The following TTC23L variants were observed in gnomAD, a reference collection of about 807,000 sequenced individuals.
The protein encoded by TTC23L is tetratricopeptide repeat protein 23-like.
A neutral mutation model predicts 48.1 loss-of-function variants in TTC23L; 42 were observed. The ratio of observed to expected loss-of-function variants is 0.87; its 90% CI spans 0.68 to 1.13. The LOEUF (loss-of-function observed/expected upper bound fraction) is 1.13. Among genes scored for constraint, TTC23L ranks in the 50% most tolerant of loss-of-function variants. TTC23L has a pLI of 0.00. For missense variants in TTC23L, 391 were observed against 421.0 expected (o/e 0.93, Z 0.62); for synonymous variants, 159 against 157.2 (o/e 1.01, Z -0.09).
chr5:34,894,876 G>A (rs1381158899), intron 9 of TTC23L, among the ~76,000 whole-genome samples: 1 of 143,274 alleles, frequency 7.0e-6, no homozygotes, highest in East Asian at 2.0e-4. Flanking sequence ...GAGATGATGA[G>A]AGTGTTAATG....
At chr5:34,871,297 A>T (rs559680780) in intron 8 of TTC23L, among the ~76,000 whole-genome samples, 23 of 148,988 alleles carry the variant, frequency 1.5e-4, no homozygotes, top group Admixed American at 4.7e-4. Flanking sequence ...ACAAAAATTT[A>T]AAAAAAATCA....
downstream of TTC23L, among the ~76,000 whole-genome samples, chr5:34,902,157 C>T (rs375234703): frequency 6.6e-6 from 1 of 152,116 alleles, no homozygotes; most frequent in East Asian, 1.9e-4. Flanking sequence ...GGCGCGGTGG[C>T]TTAAGCCTGT....
intron 9 of TTC23L, among the ~76,000 whole-genome samples, chr5:34,894,802 A>G (rs988793329): frequency 3.9e-5 from 6 of 152,170 alleles, no homozygotes; most frequent in African/African-American, 1.4e-4. Context: ...GTTGTTATGA[A>G]TAAATAAGTT....
intron 9 of TTC23L, among the ~76,000 whole-genome samples, chr5:34,889,980 A>G (rs187460424): frequency 1.5e-3 from 224 of 152,092 alleles, no homozygotes; most frequent in African/African-American, 5.4e-3. Context: ...CTGGGACTAC[A>G]TGCGTATGCC....
At chr5:34,910,507 A>G in the TTC23L span, among the ~76,000 whole-genome samples, 2 of 151,118 alleles carry the variant, frequency 1.3e-5, no homozygotes, top group African/African-American at 4.9e-5. Context: ...AGCTCACCGC[A>G]ACCTCCACTT....
intron 9 of TTC23L, among the ~76,000 whole-genome samples, chr5:34,885,637 T>C (rs761884824): frequency 1.8e-4 from 27 of 151,986 alleles, no homozygotes; most frequent in Admixed American, 9.8e-4. Flanking sequence ...TAGTCCCAGC[T>C]ACTTTAGAGG....
At chr5:34,879,014 T>C (rs1050976563) in intron 8 of TTC23L, among the ~76,000 whole-genome samples, 2 of 152,120 alleles carry the variant, frequency 1.3e-5, no homozygotes, top group African/African-American at 4.8e-5. Flanking sequence ...TATTCAGTCA[T>C]AAAAAAGAAT....
chr5:34,913,431 G>T, the TTC23L span: 1 of 1,241,260 alleles, frequency 8.1e-7, no homozygotes. Context: ...TGACCACTAT[G>T]TATAACACTT....
intron 9 of TTC23L, among the ~76,000 whole-genome samples, chr5:34,894,193 A>T (rs1763056085): frequency 6.6e-6 from 1 of 152,168 alleles, no homozygotes; most frequent in South Asian, 2.1e-4. Flanking sequence ...TACACAAAAT[A>T]TGTATTTATA....
At chr5:34,881,037 G>A (rs1762192239) in intron 9 of TTC23L, among the ~76,000 whole-genome samples, 1 of 152,134 alleles carries the variant, frequency 6.6e-6, no homozygotes, top group Admixed American at 6.6e-5. Context: ...TCTAAATAAA[G>A]CCTGTCTTGT....
chr5:34,902,485 A>ACATCTATATCCC (rs1763532777), downstream of TTC23L: 2 of 272,538 alleles, frequency 7.3e-6, no homozygotes, highest in Non-Finnish European at 1.5e-5. Context: ...ATCACTATCA[A>ACATCTATATCCC]CATCTATATC....
intron 4 of TTC23L, 76 bp from the exon 5 acceptor site, chr5:34,862,822 C>T: frequency 6.4e-7 from 1 of 1,568,384 alleles, no homozygotes; most frequent in African/African-American, 1.3e-5. Flanking sequence ...ACTTTATCCC[C>T]TCCCAGGAAT....
At chr5:34,919,740 G>A in the TTC23L span, 7 of 423,946 alleles carry the variant, frequency 1.7e-5, no homozygotes, top group South Asian at 3.5e-4. Flanking sequence ...ACTGAAGAGT[G>A]TAAAAACACT....
chr5:34,918,492 T>A, the TTC23L span: 1 of 1,422,904 alleles, frequency 7.0e-7, no homozygotes, highest in Non-Finnish European at 9.6e-7. Flanking sequence ...TTATATCATA[T>A]ACTTTAGAAA....
chr5:34,840,847 G>A (rs1159609354), intron 2 of TTC23L, 108 bp downstream of exon 2: 6 of 974,244 alleles, frequency 6.2e-6, no homozygotes, highest in Non-Finnish European at 8.2e-6. Flanking sequence ...AAGCGTTCAC[G>A]ACCAGCCTGA....
chr5:34,914,603 A>G, the TTC23L span: 1 of 1,178,374 alleles, frequency 8.5e-7, no homozygotes, highest in Non-Finnish European at 1.2e-6. Flanking sequence ...TATTATGACT[A>G]TTAAGTTATT....
At chr5:34,875,172 A>G (rs1761740589) in intron 8 of TTC23L, among the ~76,000 whole-genome samples, 1 of 152,230 alleles carries the variant, frequency 6.6e-6, no homozygotes, top group Non-Finnish European at 1.5e-5. Flanking sequence ...CTTAATGTGT[A>G]CGTGCCTAAC....
intron 4 of TTC23L, 100 bp downstream of exon 4, chr5:34,850,408 C>G (rs1759578696): frequency 2.1e-6 from 3 of 1,457,852 alleles, no homozygotes; most frequent in Admixed American, 1.8e-5. Context: ...AGGGCCCCTT[C>G]TTGCCCCTAG....
At chr5:34,876,446 A>G (rs1182346870) in intron 8 of TTC23L, among the ~76,000 whole-genome samples, 2 of 152,198 alleles carry the variant, frequency 1.3e-5, no homozygotes, top group Admixed American at 1.3e-4. Flanking sequence ...TCCAATGGAC[A>G]TTAATAGGAC....
Sources: gnomAD v4.1 joint callset for allele counts (sites outside exome capture counted in the v4.1 genomes callset) on GRCh38, gnomAD v4.1.1 for gene constraint, MANE v1.5 for transcripts, NCBI Gene and HGNC (gene_info 2026-07-23, HGNC 2026-07-21) for gene names.